The following ADGRL3 variants were observed in gnomAD, a reference collection of about 807,000 sequenced individuals.
The protein encoded by ADGRL3 is calcium-independent alpha-latrotoxin receptor 3.
Under a neutral mutation model 153.5 loss-of-function variants are expected in ADGRL3, and 62 were observed. That is an observed-to-expected ratio of 0.40 (90% CI 0.33 to 0.50). The LOEUF is 0.50. Ranked by LOEUF, ADGRL3 falls within the 20% of genes least tolerant of loss-of-function variation. The probability of loss-of-function intolerance (pLI) is 0.47; values close to 1 mark genes in which losing one functional copy is unlikely to be tolerated. For missense variants in ADGRL3, 1,641 were observed against 1,859.4 expected (o/e 0.88, Z 2.16); for synonymous variants, 710 against 672.5 (o/e 1.06, Z -0.86).
At chr4:61,983,819 T>C (rs889567381) in intron 19 of ADGRL3, among the ~76,000 whole-genome samples, 2 of 152,160 alleles carry the variant, frequency 1.3e-5, no homozygotes, top group African/African-American at 4.8e-5. Context: ...TTTTTCTACA[T>C]CTACATCATA....
At chr4:61,654,750 A>T (rs2094392352) in intron 5 of ADGRL3, among the ~76,000 whole-genome samples, 1 of 151,956 alleles carries the variant, frequency 6.6e-6, no homozygotes, top group Non-Finnish European at 1.5e-5. Flanking sequence ...TACAAAAATT[A>T]GCCGGGTGTG....
intron 8 of ADGRL3, among the ~76,000 whole-genome samples, chr4:61,735,439 T>TATA (rs1300583777): frequency 3.3e-5 from 5 of 152,246 alleles, no homozygotes; most frequent in African/African-American, 1.2e-4. Context: ...CCAACTCTAT[T>TATA]GTCTGACTCA....
intron 8 of ADGRL3, among the ~76,000 whole-genome samples, chr4:61,748,742 A>G (rs2096709219): frequency 6.6e-6 from 1 of 152,134 alleles, no homozygotes; most frequent in African/African-American, 2.4e-5. Flanking sequence ...TGTTAGACCT[A>G]AAATCATAAA....
intron 4 of ADGRL3, among the ~76,000 whole-genome samples, chr4:61,540,443 G>A (rs758418146): frequency 1.2e-4 from 19 of 152,014 alleles, no homozygotes; most frequent in Non-Finnish European, 2.4e-4. Context: ...CAGCTATCCG[G>A]GAGGCTGAGG....
chr4:61,463,446 C>G (rs951534076), intron 2 of ADGRL3, among the ~76,000 whole-genome samples: 1 of 152,036 alleles, frequency 6.6e-6, no homozygotes. Context: ...CTTTTAACAA[C>G]CAGATCTCTT....
chr4:61,952,669 T>C (rs2098951758), intron 17 of ADGRL3, among the ~76,000 whole-genome samples: 1 of 152,156 alleles, frequency 6.6e-6, no homozygotes, highest in African/African-American at 2.4e-5. Context: ...TGTCAGAGCA[T>C]CACAAATTGA....
At chr4:61,426,441 G>A (rs190301438) in intron 2 of ADGRL3, among the ~76,000 whole-genome samples, 8 of 116,536 alleles carry the variant, frequency 6.9e-5, no homozygotes, top group Admixed American at 5.8e-4. Flanking sequence ...ATGCCCCATC[G>A]GGAATGGGGG....
At chr4:61,677,913 G>T (rs1425017714) in intron 6 of ADGRL3, among the ~76,000 whole-genome samples, 1 of 151,876 alleles carries the variant, frequency 6.6e-6, no homozygotes, top group Non-Finnish European at 1.5e-5. Context: ...AATAAGAGAA[G>T]AATTGAAATT....
At chr4:61,674,423 A>G (rs952297239) in intron 5 of ADGRL3, among the ~76,000 whole-genome samples, 2 of 151,670 alleles carry the variant, frequency 1.3e-5, no homozygotes, top group African/African-American at 4.8e-5. Flanking sequence ...AAATTACAAG[A>G]GTAGATATTG....
intron 8 of ADGRL3, among the ~76,000 whole-genome samples, chr4:61,753,219 C>A (rs1482733089): frequency 4.6e-5 from 6 of 129,076 alleles, no homozygotes; most frequent in Non-Finnish European, 6.4e-5. Context: ...TAGTAAGGCA[C>A]ATTTCTGTGA....
At chr4:61,898,767 CT>C (rs1182445984) in intron 11 of ADGRL3, among the ~76,000 whole-genome samples, 6 of 152,014 alleles carry the variant, frequency 3.9e-5, no homozygotes, top group African/African-American at 1.4e-4. Flanking sequence ...CAGGCACACA[CT>C]GCAACACTTG....
chr4:61,390,381 G>A (rs922944726), intron 2 of ADGRL3, among the ~76,000 whole-genome samples: 5 of 152,142 alleles, frequency 3.3e-5, no homozygotes, highest in Non-Finnish European at 7.3e-5. Context: ...TCCAAAAAAG[G>A]CTGCTTATTT....
chr4:61,884,888 G>A (rs2098528988), intron 9 of ADGRL3, among the ~76,000 whole-genome samples: 1 of 151,228 alleles, frequency 6.6e-6, no homozygotes, highest in South Asian at 2.1e-4. Flanking sequence ...GCCTCCCAAA[G>A]TGCTGGGATT....
At chr4:61,332,108 A>G (rs1203709117) in intron 1 of ADGRL3, among the ~76,000 whole-genome samples, 1 of 152,196 alleles carries the variant, frequency 6.6e-6, no homozygotes, top group Admixed American at 6.6e-5. Context: ...TAGGAACAGG[A>G]ATTAATAATA....
intron 5 of ADGRL3, among the ~76,000 whole-genome samples, chr4:61,664,207 A>C (rs1304915986): frequency 6.6e-6 from 1 of 152,236 alleles, no homozygotes; most frequent in Non-Finnish European, 1.5e-5. Flanking sequence ...GAAATATTAC[A>C]GAAAAAATAA....
At chr4:62,042,747 G>A (rs1267632258) in intron 24 of ADGRL3, among the ~76,000 whole-genome samples, 1 of 151,826 alleles carries the variant, frequency 6.6e-6, no homozygotes, top group Admixed American at 6.6e-5. Flanking sequence ...TGGTATAATT[G>A]GTAAAAATCT....
At chr4:61,721,260 A>G (rs1452882066) in intron 6 of ADGRL3, among the ~76,000 whole-genome samples, 2 of 152,158 alleles carry the variant, frequency 1.3e-5, no homozygotes. Context: ...ACTGAGGAGC[A>G]AGGAAGCCAG....
At chr4:61,824,395 G>C (rs2097782697) in intron 9 of ADGRL3, among the ~76,000 whole-genome samples, 1 of 152,076 alleles carries the variant, frequency 6.6e-6, no homozygotes, top group South Asian at 2.1e-4. Context: ...ATTACAAATT[G>C]TATACAAGTT....
chr4:61,749,543 G>A lies in ADGRL3; in HGVS notation c.1399+15989G>A, dbSNP rs548132968. Among the ~76,000 whole-genome samples the A allele has an allele frequency of 9.4e-3, 1,428 of 152,232 alleles. 30 individuals are homozygous for A. Among genetic ancestry groups the A allele is most frequent in the African/African-American group, 0.033 (1,352 of 41,528 alleles). On this transcript the variant is annotated intron_variant, in intron 8 of 26. Transcript: ENST00000683033. ...ACTATGCAACCATAAAAAATGATGAGTTCATGTCCTTTGTAGGGACATGGA... is the reference window on the plus strand; with the variant it reads ...ACTATGCAACCATAAAAAATGATGAATTCATGTCCTTTGTAGGGACATGGA...
Sources: allele counts gnomAD v4.1 joint callset (sites outside exome capture counted in the v4.1 genomes callset), GRCh38; gene constraint gnomAD v4.1.1; transcripts MANE v1.5; gene names NCBI Gene and HGNC (gene_info 2026-07-23, HGNC 2026-07-21).